The following NTNG1 variants were observed in gnomAD, a reference collection of about 807,000 sequenced individuals.
NTNG1 encodes the protein netrin-G1.
A neutral mutation model predicts 54.0 loss-of-function variants in NTNG1; 16 were observed. That is an observed-to-expected ratio of 0.30 (90% CI 0.20 to 0.45). The LOEUF (loss-of-function observed/expected upper bound fraction) is 0.45. Ranked by LOEUF, NTNG1 falls within the 20% of genes least tolerant of loss-of-function variation. The pLI is 1.00. For synonymous variants in NTNG1, 255 were observed against 263.1 expected (o/e 0.97, Z 0.30); for missense variants, 530 against 678.7 (o/e 0.78, Z 2.43).
intron 2 of NTNG1, among the ~76,000 whole-genome samples, chr1:107,226,852 G>T (rs1006305035): frequency 6.6e-6 from 1 of 151,986 alleles, no homozygotes; most frequent in African/African-American, 2.4e-5. Context: ...GAAGTAACTG[G>T]CTCAGTCTCC....
intron 2 of NTNG1, among the ~76,000 whole-genome samples, chr1:107,264,066 A>G (rs1013073306): frequency 6.6e-6 from 1 of 152,086 alleles, no homozygotes; most frequent in Non-Finnish European, 1.5e-5. Flanking sequence ...AGATTAATCT[A>G]TAGTCCTCTC....
At chr1:107,399,938 C>A (rs33955687) in intron 4 of NTNG1, among the ~76,000 whole-genome samples, 38,503 of 151,952 alleles carry the variant, frequency 0.25, 5,554 homozygotes, top group East Asian at 0.3. Flanking sequence ...AAAGATTCCC[C>A]TTCTATTAGT....
intron 3 of NTNG1, among the ~76,000 whole-genome samples, chr1:107,377,335 C>A (rs371994781): frequency 2.0e-5 from 3 of 152,182 alleles, no homozygotes; most frequent in Non-Finnish European, 4.4e-5. Context: ...CACTGCCTGG[C>A]TCCAGAGAAA....
chr1:107,196,974 G>C (rs939828582), intron 2 of NTNG1, among the ~76,000 whole-genome samples: 21 of 151,568 alleles, frequency 1.4e-4, no homozygotes, highest in Admixed American at 6.6e-5. Context: ...ATGCATGTTG[G>C]GGTTAGGGTT....
chr1:107,312,222 C>T (rs934218737), intron 2 of NTNG1, among the ~76,000 whole-genome samples: 11 of 152,116 alleles, frequency 7.2e-5, no homozygotes, highest in African/African-American at 2.7e-4. Flanking sequence ...TGAAAAATTT[C>T]ATCTGTAGAC....
chr1:107,260,357 T>G (rs1663231323), intron 2 of NTNG1, among the ~76,000 whole-genome samples: 1 of 152,154 alleles, frequency 6.6e-6, no homozygotes, highest in South Asian at 2.1e-4. Context: ...TGGGACTTCT[T>G]TTCACACTCA....
intron 2 of NTNG1, among the ~76,000 whole-genome samples, chr1:107,206,282 C>T (rs4915029): frequency 0.81 from 123,240 of 152,110 alleles, 53,681 homozygotes; most frequent in East Asian, 0.99. Flanking sequence ...CTAGCTGCCC[C>T]ATATCCTCAT....
intron 2 of NTNG1, among the ~76,000 whole-genome samples, chr1:107,290,963 TTA>T (rs71976757): frequency 0.093 from 13,215 of 142,174 alleles, 829 homozygotes; most frequent in African/African-American, 0.19. Flanking sequence ...TATATATATA[TTA>T]TATATATATA....
intron 2 of NTNG1, among the ~76,000 whole-genome samples, chr1:107,284,784 T>A (rs1665088472): frequency 6.6e-6 from 1 of 152,056 alleles, no homozygotes; most frequent in Non-Finnish European, 1.5e-5. Context: ...TTTTGCATAT[T>A]CCAAGTTTAC....
intron 2 of NTNG1, among the ~76,000 whole-genome samples, chr1:107,310,764 T>A (rs1666962333): frequency 6.6e-6 from 1 of 151,668 alleles, no homozygotes; most frequent in Non-Finnish European, 1.5e-5. Context: ...GAAGATAGAG[T>A]TGTTTTAGTT....
At chr1:107,169,181 A>G (rs1175812870) in intron 2 of NTNG1, among the ~76,000 whole-genome samples, 1 of 152,168 alleles carries the variant, frequency 6.6e-6, no homozygotes, top group Non-Finnish European at 1.5e-5. Context: ...TATAATTTAC[A>G]GTCTTGGCCA....
intron 2 of NTNG1, among the ~76,000 whole-genome samples, chr1:107,189,606 T>G (rs1468896624): frequency 6.6e-6 from 1 of 152,038 alleles, no homozygotes; most frequent in African/African-American, 2.4e-5. Context: ...TTCATATAGG[T>G]AGGTTATAAA....
At chr1:107,384,270 T>G (rs941218225) in intron 3 of NTNG1, among the ~76,000 whole-genome samples, 1 of 152,220 alleles carries the variant, frequency 6.6e-6, no homozygotes, top group African/African-American at 2.4e-5. Context: ...TACTGAATCA[T>G]GTAATCTGAT....
At position 107,176,076 on chromosome 1, in the gene NTNG1, A is replaced by G. The variant is rs147028186; in HGVS notation, c.246+27237A>G. Among the ~76,000 whole-genome samples, 232 of 152,250 alleles carry G rather than the reference A, an allele frequency of 1.5e-3. 1 individual carries two copies. The highest frequency in any genetic ancestry group is 0.01 in the Middle Eastern group (3 of 294). The stretch of plus-strand genomic sequence containing the variant: ...AAGACAAGGTTCCTACCTTCAGGGA[A>G]CATATGGGTAGTTGAGTAAAATTTC... On this transcript the variant is annotated intron_variant, in intron 2 of 7. Coordinates refer to ENST00000370068, the MANE Select transcript of NTNG1 (RefSeq NM_001113226.3).
Position 107,462,357 on chromosome 1 carries a change from G to C in NTNG1, c.1391-18254G>C, listed in dbSNP as rs369044538. 4.6e-5 allele frequency among the ~76,000 whole-genome samples: 7 copies of C among 152,250 alleles called. No individual in the cohort carries two copies. The East Asian group carries it at 9.7e-4, about 21-fold the overall frequency. On this transcript the variant is annotated intron_variant, in intron 7 of 7. Transcript: ENST00000370068. ...TTACAGGCTCTGCTACCCACTACCT[G>C]TGTGACCTTAGAGAGACTATTTACC... is the stretch of plus-strand genomic sequence containing the variant.
At chr1:107,297,249 G>GATATATATT (rs1491195014) in intron 2 of NTNG1, among the ~76,000 whole-genome samples, 1 of 18,676 alleles carries the variant, frequency 5.4e-5, no homozygotes, top group African/African-American at 1.7e-4. Flanking sequence ...ATATATATGC[G>GATATATATT]CACACACACA....
intron 7 of NTNG1, among the ~76,000 whole-genome samples, chr1:107,462,076 T>C (rs1162910973): frequency 1.3e-5 from 2 of 152,248 alleles, no homozygotes; most frequent in East Asian, 3.9e-4. Flanking sequence ...TCTGTCGTAG[T>C]CTCTGCCTGC....
At chr1:107,428,337 T>A (rs575356321) in intron 5 of NTNG1, among the ~76,000 whole-genome samples, 1 of 152,276 alleles carries the variant, frequency 6.6e-6, no homozygotes, top group East Asian at 1.9e-4. Flanking sequence ...GATTGCTTTA[T>A]GTCACTGTTT....
intron 3 of NTNG1, among the ~76,000 whole-genome samples, chr1:107,332,417 C>T (rs936866028): frequency 1.3e-5 from 2 of 152,076 alleles, no homozygotes; most frequent in African/African-American, 2.4e-5. Context: ...TTTCTTCCCT[C>T]ATTTAACTTA....
Sources: gnomAD v4.1 joint callset for allele counts (sites outside exome capture counted in the v4.1 genomes callset) on GRCh38, gnomAD v4.1.1 for gene constraint, MANE v1.5 for transcripts, NCBI Gene and HGNC (gene_info 2026-07-23, HGNC 2026-07-21) for gene names.